Variants in MAN2B2 observed in about 807,000 individuals in gnomAD.
MAN2B2 encodes mannosidase alpha class 2B member 2.
Under a neutral mutation model 117.1 loss-of-function variants are expected in MAN2B2, and 106 were observed. The observed-to-expected ratio is 0.90, with a 90% CI of 0.77 to 1.06. The LOEUF (loss-of-function observed/expected upper bound fraction) is 1.06, where lower values mean the gene tolerates loss of function less well. Among genes scored for constraint, MAN2B2 ranks in the 50% least tolerant of loss-of-function variants. The pLI, the probability that MAN2B2 is intolerant of heterozygous loss-of-function variation, is 0.00. For missense variants in MAN2B2, 1,326 were observed against 1,381.4 expected (o/e 0.96, Z 0.64); for synonymous variants, 544 against 595.1 (o/e 0.91, Z 1.25).
chr4:6,616,885 C>A (rs1202680206), intron 16 of MAN2B2, among the ~76,000 whole-genome samples: 1 of 152,154 alleles, frequency 6.6e-6, no homozygotes, highest in Admixed American at 6.5e-5. Context: ...GGGGCCATGT[C>A]AGCTGTCTCA....
At chr4:6,614,162 C>A in intron 15 of MAN2B2, 56 bp from the exon 16 acceptor site, 1 of 1,589,022 alleles carries the variant, frequency 6.3e-7, no homozygotes, top group South Asian at 1.1e-5. Context: ...CTCTGAGTGC[C>A]AGGAGGAGGA....
chr4:6,587,820 T>C (rs576821556), intron 4 of MAN2B2, among the ~76,000 whole-genome samples: 19 of 139,290 alleles, frequency 1.4e-4, no homozygotes, highest in African/African-American at 5.1e-4. Flanking sequence ...AGTAGCACAA[T>C]CTTGGCCCAC....
At chr4:6,592,272 A>T (rs1186670005) in intron 5 of MAN2B2, among the ~76,000 whole-genome samples, 1 of 152,118 alleles carries the variant, frequency 6.6e-6, no homozygotes, top group Non-Finnish European at 1.5e-5. Flanking sequence ...TCCATAAATG[A>T]CTTTCATTTA....
Position 6,589,036 on chromosome 4 carries a change from G to T in MAN2B2, c.565-9G>T, listed in dbSNP as rs577396572. 6.2e-7 allele frequency: 1 copy of T among 1,610,124 alleles called. No homozygotes were observed. The highest frequency in any genetic ancestry group is 8.5e-7 in the Non-Finnish European group (1 of 1,176,474). On this transcript the variant is annotated splice_polypyrimidine_tract_variant and intron_variant, in intron 4 of 18. Coordinates refer to ENST00000285599, the MANE Select transcript of MAN2B2 (RefSeq NM_015274.3). ...CCCCTCCAGCCTCATTCTTCTCCTC[G>T]GTTTGCAGGGGCTGCAGTTCGTGTG...
At chr4:6,601,383 TATA>T (rs748482526) in intron 10 of MAN2B2, among the ~76,000 whole-genome samples, 2 of 151,180 alleles carry the variant, frequency 1.3e-5, no homozygotes, top group African/African-American at 4.9e-5. Context: ...CATGCACTGG[TATA>T]ATAATTGGGA....
At chr4:6,603,835 G>A (rs781060495) in intron 10 of MAN2B2, among the ~76,000 whole-genome samples, 2 of 152,150 alleles carry the variant, frequency 1.3e-5, no homozygotes, top group African/African-American at 2.4e-5. Context: ...CATCAATGTG[G>A]GATCAGGCAG....
In MAN2B2 at chr4:6,598,298, T is replaced by A. The variant is rs1305599700; in HGVS notation, c.1349T>A (p.Met450Lys). ...ASGMLGMRKLMASIVLDELQP... is the reference protein window; with the variant it reads ...ASGMLGMRKLKASIVLDELQP... ...GGGATGCTGGGCATGCGCAAGCTGA[T>A]GGCCTCCATCGTCCTAGATGAGCTC... The change falls in exon 9 of 19, where the codon ATG becomes AAG. Residue 450 changes from methionine to lysine, a missense_variant. Met to Lys is a moderately conservative substitution (Grantham distance 95). Transcript: ENST00000285599. 6.2e-7 allele frequency: 1 copy of A among 1,613,478 alleles called. No individual in the cohort carries two copies. Among genetic ancestry groups the A allele is most frequent in the Non-Finnish European group, 8.5e-7 (1 of 1,180,030 alleles).
rs577658402 is a variant in MAN2B2, at chr4:6,609,328, C to T, written c.2006+30C>T. 5.2e-5 allele frequency: 84 copies of T among 1,604,006 alleles called. 3 individuals are homozygous for T. The Middle Eastern group carries it at 2.2e-3, about 42-fold the overall frequency. On this transcript the variant is annotated intron_variant, in intron 12 of 18. Coordinates refer to ENST00000285599, the MANE Select transcript of MAN2B2 (RefSeq NM_015274.3). ...TTCCCCTGGGGTGACCCCCACAGCC[C>T]GGCACACAGTCAGCGCACGCGTGCA...
At chr4:6,579,262 C>T (rs867536440) in intron 3 of MAN2B2, among the ~76,000 whole-genome samples, 19 of 89,462 alleles carry the variant, frequency 2.1e-4, no homozygotes, top group East Asian at 3.9e-4. Context: ...ACCATCACCA[C>T]CACCACCATC....
intron 15 of MAN2B2, among the ~76,000 whole-genome samples, chr4:6,613,993 G>A (rs1330671474): frequency 6.6e-6 from 1 of 152,192 alleles, no homozygotes; most frequent in Non-Finnish European, 1.5e-5. Context: ...AGGAGAGTCA[G>A]GGTCCTCCCA....
At position 6,611,191 on chromosome 4, in the gene MAN2B2, G is replaced by A. The variant is rs757792184; in HGVS notation, c.2476G>A (p.Gly826Arg). 6.2e-7 allele frequency: 1 copy of A among 1,613,948 alleles called. No individual in the cohort carries two copies. The highest frequency in any genetic ancestry group is 8.5e-7 in the Non-Finnish European group (1 of 1,180,036). ...CCACCCAGTGCTCTGGCTTCTGCTG[G>A]GATCCTGGTCCCTCACCACTGCCCT... ...VVHPVLWLLL[G>R]SWSLTTALRQ... is the part of the protein sequence containing the mutation. The change falls in exon 15 of 19, where the codon GGA becomes AGA. Residue 826 changes from glycine (G) to arginine (R), a missense_variant. By Grantham distance (125) the Gly-to-Arg change is moderately radical. Transcript: ENST00000285599.
At chr4:6,599,030 G>A (rs979291351) in intron 9 of MAN2B2, among the ~76,000 whole-genome samples, 4 of 152,270 alleles carry the variant, frequency 2.6e-5, no homozygotes, top group African/African-American at 9.6e-5. Flanking sequence ...CCGCCCGCAT[G>A]AGACTTTTGT....
chr4:6,590,936 G>A (rs1314451228), intron 5 of MAN2B2, among the ~76,000 whole-genome samples: 1 of 152,160 alleles, frequency 6.6e-6, no homozygotes, highest in Admixed American at 6.5e-5. Flanking sequence ...GTCACTTGAG[G>A]TTAGGAGTTT....
At chr4:6,620,186 C>T (rs1251628814) in intron 18 of MAN2B2, 142 bp downstream of exon 18, 3 of 666,784 alleles carry the variant, frequency 4.5e-6, no homozygotes, top group Non-Finnish European at 7.6e-6. Flanking sequence ...GAACCCGCAG[C>T]CCTCCCAAAT....
In MAN2B2 at chr4:6,617,884, G is replaced by A. The variant is rs142802226; in HGVS notation, c.2814+392G>A. On this transcript the variant is annotated intron_variant, in intron 17 of 18. Coordinates refer to ENST00000285599, the MANE Select transcript of MAN2B2 (RefSeq NM_015274.3). ...TTTTTTGAGACCGAGTTTCGCTCTC[G>A]TCCCCCAGGCTGGAGTGCAATGGTG... The A allele has an allele frequency of 6.3e-3, 1,360 of 217,102 alleles. 17 individuals carry two copies. The highest frequency in any genetic ancestry group is 0.033 in the African/African-American group (1,252 of 38,356). The allele number at this position is 217,102 out of a possible 1,614,324, so 13.4% of individuals were successfully genotyped here.
intron 10 of MAN2B2, among the ~76,000 whole-genome samples, chr4:6,601,756 C>T (rs1490553201): frequency 6.6e-6 from 1 of 152,234 alleles, no homozygotes; most frequent in Non-Finnish European, 1.5e-5. Flanking sequence ...GTTTTAGGAG[C>T]TCTGTGGCAA....
At chr4:6,614,556 G>A (rs1014510829) in intron 16 of MAN2B2, among the ~76,000 whole-genome samples, 8 of 152,180 alleles carry the variant, frequency 5.3e-5, no homozygotes, top group Non-Finnish European at 1.2e-4. Flanking sequence ...GGCGAGGTGG[G>A]CCTGGCCCCC....
rs751203334 is a variant in MAN2B2 at position 6,576,613 on chromosome 4, C to T, written c.174C>T (p.Thr58=). ...GGGCGTACGCCGCCAATGTCTACAC[C>T]TCAGTGGTGGAAGAGCTGGCCCGCG... ...SMRAYAANVY[T]SVVEELARGQ... is the part of the protein sequence containing the mutation. Residue 58 remains threonine (T), a synonymous_variant, in exon 2 of 19, where the codon ACC becomes ACT. Transcript: ENST00000285599. The T allele has an allele frequency of 3.1e-6, 5 of 1,613,762 alleles. No individual in the cohort carries two copies. The South Asian group carries it at 4.4e-5, about 14-fold the overall frequency.
intron 13 of MAN2B2, among the ~76,000 whole-genome samples, 163 bp downstream of exon 13, chr4:6,610,213 A>G (rs1020531961): frequency 9.9e-5 from 15 of 152,008 alleles, no homozygotes; most frequent in Non-Finnish European, 2.2e-4. Context: ...CTGGGGCGCA[A>G]TGGAGCGATC....
Sources: allele counts gnomAD v4.1 joint callset (sites outside exome capture counted in the v4.1 genomes callset), GRCh38; gene constraint gnomAD v4.1.1; transcripts MANE v1.5; gene names NCBI Gene and HGNC (gene_info 2026-07-23, HGNC 2026-07-21).